The following SLC5A10 variants were observed in gnomAD, a reference collection of about 807,000 sequenced individuals.
SLC5A10 encodes sodium/mannose cotransporter SLC5A10.
SLC5A10 carries 55 observed loss-of-function variants against 68.9 expected under a neutral mutation model. That is an observed-to-expected ratio of 0.80 (90% confidence interval 0.64 to 1.00). The LOEUF is 1.00. SLC5A10 is among the 50% of genes least tolerant of loss of function. SLC5A10 has a pLI of 0.00. For synonymous variants in SLC5A10, 344 were observed against 344.8 expected (o/e 1.00, Z 0.02); for missense variants, 732 against 819.3 (o/e 0.89, Z 1.30).
At chr17:18,980,938 C>T (rs1597855025) in intron 9 of SLC5A10, among the ~76,000 whole-genome samples, 2 of 152,120 alleles carry the variant, frequency 1.3e-5, no homozygotes, top group African/African-American at 4.8e-5. Context: ...TCCCGAGGGG[C>T]TCTGTGCCGG....
intron 9 of SLC5A10, among the ~76,000 whole-genome samples, chr17:18,980,861 T>C (rs2152012741): frequency 6.6e-6 from 1 of 152,228 alleles, no homozygotes; most frequent in African/African-American, 2.4e-5. Flanking sequence ...ATCTCAGTTT[T>C]AACACCCACT....
chr17:18,964,322 C>T (rs1389423867), intron 5 of SLC5A10, among the ~76,000 whole-genome samples: 1 of 152,186 alleles, frequency 6.6e-6, no homozygotes, highest in Non-Finnish European at 1.5e-5. Context: ...TCACAGGCCA[C>T]CCAGTCTCTG....
intron 10 of SLC5A10, among the ~76,000 whole-genome samples, chr17:19,014,578 A>G (rs1360447145): frequency 6.6e-6 from 1 of 152,094 alleles, no homozygotes; most frequent in Non-Finnish European, 1.5e-5. Flanking sequence ...AGCCTTCCTC[A>G]CCAACCCCAC....
intron 9 of SLC5A10, chr17:18,988,453 G>C (rs2043324569): frequency 6.2e-7 from 1 of 1,603,460 alleles, no homozygotes; most frequent in East Asian, 2.2e-5. Flanking sequence ...GTCAGACAGT[G>C]CAGCAGTGGG....
chr17:18,987,390 C>T (rs1165377162), intron 9 of SLC5A10, among the ~76,000 whole-genome samples: 10 of 152,226 alleles, frequency 6.6e-5, no homozygotes, highest in South Asian at 2.1e-4. Context: ...GCCTGGCGCA[C>T]GGCCAATGCA....
intron 9 of SLC5A10, among the ~76,000 whole-genome samples, chr17:18,984,985 G>T (rs956786141): frequency 6.6e-6 from 1 of 152,238 alleles, no homozygotes; most frequent in Non-Finnish European, 1.5e-5. Flanking sequence ...CTCACCTGGG[G>T]ACCAGGAGTG....
chr17:18,979,294 G>T (rs1046771386), intron 9 of SLC5A10: 1 of 532,032 alleles, frequency 1.9e-6, no homozygotes, highest in Non-Finnish European at 3.3e-6. Context: ...CCATAGGCTT[G>T]CGAAGGCACG....
chr17:18,958,618 C>G, intron 1 of SLC5A10, 64 bp from the exon 2 acceptor site: 1 of 1,482,196 alleles, frequency 6.7e-7, no homozygotes, highest in East Asian at 2.3e-5. Context: ...CAAGCCGTTT[C>G]CCATTCGACT....
Position 19,021,633 on chromosome 17 carries a change from C to T in SLC5A10, c.*1202C>T. On this transcript the variant is annotated 3_prime_UTR_variant, in exon 15 of 15. Transcript: ENST00000395645. The surrounding 1 kb of genome is among the most constrained non-coding windows in gnomAD (Gnocchi z 4.1). ...CCTCCAGTGGGTGAAACCTGGGAGT[C>T]CTCAACCTTCCTGGCAGATGGGGCC... is the stretch of plus-strand genomic sequence containing the variant. 2.5e-6 allele frequency: 1 copy of T among 395,176 alleles called. No homozygotes were observed. The highest frequency in any genetic ancestry group is 6.3e-4 in the Middle Eastern group (1 of 1,582). The allele number at this position is 395,176 out of a possible 1,614,324, so 24.5% of individuals were successfully genotyped here.
intron 9 of SLC5A10, among the ~76,000 whole-genome samples, chr17:18,995,254 A>T (rs893709539): frequency 2.0e-5 from 3 of 152,244 alleles, no homozygotes; most frequent in African/African-American, 7.2e-5. Context: ...ACTGTGTTCC[A>T]TGTGTTCAAA....
rs542505205 is a variant in SLC5A10 at position 18,987,164 on chromosome 17, A to G, written c.982+10175A>G. On this transcript the variant is annotated intron_variant, in intron 9 of 14. Transcript: ENST00000395645. ...CCAGACTGGCGGTGCCCCTTCTCCTAGGACCACAAGCCTGAAACCTGCAGA... is the reference window on the plus strand; with the variant it reads ...CCAGACTGGCGGTGCCCCTTCTCCTGGGACCACAAGCCTGAAACCTGCAGA... 1.3e-4 allele frequency among the ~76,000 whole-genome samples: 20 copies of G among 152,326 alleles called. No individual in the cohort carries two copies. The East Asian group carries it at 3.7e-3, about 28-fold the overall frequency.
chr17:18,952,303 C>T lies in SLC5A10; in HGVS notation c.98C>T (p.Ala33Val), dbSNP rs200035118. 1.2e-6 allele frequency: 2 copies of T among 1,612,660 alleles called. No individual in the cohort carries two copies. The highest frequency in any genetic ancestry group is 1.7e-6 in the Non-Finnish European group (2 of 1,179,344). ...VITVYFALNVAVGIWSSCRAS... is the reference protein window; with the variant it reads ...VITVYFALNVVVGIWSSCRAS... ...ACTGTGTATTTTGCTCTGAATGTGGCCGTGGGCATATGGGTAAGGGGACCT... is the reference window on the plus strand; with the variant it reads ...ACTGTGTATTTTGCTCTGAATGTGGTCGTGGGCATATGGGTAAGGGGACCT... The change falls in exon 1 of 15, where the codon GCC becomes GTC. Residue 33 changes from alanine to valine, a missense_variant. Transcript: ENST00000395645.
intron 5 of SLC5A10, among the ~76,000 whole-genome samples, chr17:18,962,837 T>C (rs986494773): frequency 1.3e-5 from 2 of 152,096 alleles, no homozygotes; most frequent in Admixed American, 6.5e-5. Context: ...CTCTGCCCCC[T>C]GTTTCACCCT....
intron 9 of SLC5A10, chr17:18,988,395 T>C (rs2043322657): frequency 3.1e-6 from 5 of 1,614,130 alleles, no homozygotes; most frequent in Non-Finnish European, 4.2e-6. Context: ...GGTGAACATG[T>C]CCATGACCAC....
chr17:18,996,269 C>T lies in SLC5A10; in HGVS notation c.983-17141C>T, dbSNP rs990882726. Among the ~76,000 whole-genome samples, 1 of 152,152 alleles carries T rather than the reference C, an allele frequency of 6.6e-6. No homozygotes were observed. The highest frequency in any genetic ancestry group is 1.5e-5 in the Non-Finnish European group (1 of 68,030). Reference sequence around the variant, plus strand: ...ACCAGCAGACCCGCACTCCCTCCTCCAGCTGCAACCCCCTCCTCCAGCAGC... The same window carrying T: ...ACCAGCAGACCCGCACTCCCTCCTCTAGCTGCAACCCCCTCCTCCAGCAGC... On this transcript the variant is annotated intron_variant, in intron 9 of 14. Coordinates refer to ENST00000395645, the MANE Select transcript of SLC5A10 (RefSeq NM_001042450.4). This position sits in a 1 kb window ranked among gnomAD's most constrained non-coding sequence, Gnocchi z 4.4.
At chr17:19,016,390 C>T (rs1049836293) in intron 11 of SLC5A10, among the ~76,000 whole-genome samples, 20 of 152,136 alleles carry the variant, frequency 1.3e-4, no homozygotes, top group African/African-American at 4.3e-4. Flanking sequence ...CCCATGTGCA[C>T]GTGTCTATTT....
chr17:18,986,967 G>C (rs1008705985), intron 9 of SLC5A10, among the ~76,000 whole-genome samples: 1 of 152,228 alleles, frequency 6.6e-6, no homozygotes, highest in African/African-American at 2.4e-5. Context: ...TGTGGGGCTT[G>C]GGGCCAACCC....
chr17:18,965,533 C>G (rs1281018199), intron 5 of SLC5A10, among the ~76,000 whole-genome samples: 1 of 152,224 alleles, frequency 6.6e-6, no homozygotes, highest in African/African-American at 2.4e-5. Flanking sequence ...CCTTCAGCCT[C>G]AGACACGCCC....
intron 10 of SLC5A10, 117 bp from the exon 11 acceptor site, chr17:19,014,909 AGCTTCTCTCCCTCCCCGCCCTCT>A: frequency 9.8e-7 from 1 of 1,022,820 alleles, no homozygotes; most frequent in Non-Finnish European, 1.4e-6. Context: ...AAACCTCCTC[AGCTTCTCTCCCTCCCCGCCCTCT>A]GCCTTGGAGG....
Sources: gnomAD v4.1 joint callset for allele counts (sites outside exome capture counted in the v4.1 genomes callset) on GRCh38, gnomAD v4.1.1 for gene constraint, Gnocchi (gnomAD v3.1) non-coding constraint, MANE v1.5 for transcripts, NCBI Gene and HGNC (gene_info 2026-07-23, HGNC 2026-07-21) for gene names.